The following PTH2R variants were observed in gnomAD, a reference collection of about 807,000 sequenced individuals.
PTH2R encodes PTH2 receptor.
In PTH2R, 59 loss-of-function variants were observed where a neutral mutation model predicts 60.3. The ratio of observed to expected loss-of-function variants is 0.98; its 90% confidence interval spans 0.79 to 1.22. The LOEUF is 1.22. Ranked by LOEUF, PTH2R falls within the 50% of genes most tolerant of loss-of-function variation. The pLI, the probability that PTH2R is intolerant of heterozygous loss-of-function variation, is 0.00. For synonymous variants in PTH2R, 256 were observed against 243.8 expected (o/e 1.05, Z -0.47); for missense variants, 749 against 682.6 (o/e 1.10, Z -1.08).
At chr2:208,378,939 A>G (rs1306170673) in intron 1 of PTH2R, among the ~76,000 whole-genome samples, 2 of 152,160 alleles carry the variant, frequency 1.3e-5, no homozygotes, top group Non-Finnish European at 2.9e-5. Context: ...TGTGAAGATT[A>G]GAGAAAGTGC....
rs767969755 is a variant in PTH2R, at chr2:208,493,382, C to T, written c.1376C>T (p.Thr459Ile). The T allele has an allele frequency of 6.8e-6, 11 of 1,609,562 alleles. No individual in the cohort carries two copies. Among genetic ancestry groups the T allele is most frequent in the African/African-American group, 1.3e-5 (1 of 74,896 alleles). The change falls in exon 13 of 13, where the codon ACC (threonine) becomes ATC (isoleucine). Residue 459 changes from threonine (T) to isoleucine (I), a missense_variant. Coordinates refer to ENST00000272847, the MANE Select transcript of PTH2R (RefSeq NM_005048.4). ...GSVLTTVTHS[T>I]SSQSQVAAST... is the part of the protein sequence containing the mutation. Reference sequence around the variant, plus strand: ...GTGCTCACCACCGTGACGCACAGCACCAGCAGCCAGTCACAGGTGGCGGCC... The same window carrying T: ...GTGCTCACCACCGTGACGCACAGCATCAGCAGCCAGTCACAGGTGGCGGCC...
chr2:208,459,088 C>G (rs1441813205), intron 8 of PTH2R, among the ~76,000 whole-genome samples: 1 of 152,034 alleles, frequency 6.6e-6, no homozygotes, highest in African/African-American at 2.4e-5. Context: ...ATAAGGGTTC[C>G]CTTTTCTCTC....
At chr2:208,378,078 G>A (rs1700840148) in intron 1 of PTH2R, among the ~76,000 whole-genome samples, 2 of 152,022 alleles carry the variant, frequency 1.3e-5, no homozygotes, top group Non-Finnish European at 2.9e-5. Flanking sequence ...TCCAGCCTGG[G>A]CAACATTGAG....
At chr2:208,454,001 G>T (rs1702460191) in intron 8 of PTH2R, among the ~76,000 whole-genome samples, 1 of 152,110 alleles carries the variant, frequency 6.6e-6, no homozygotes, top group South Asian at 2.1e-4. Context: ...CTGATAGCTT[G>T]TAAGTCGCCC....
intron 4 of PTH2R, among the ~76,000 whole-genome samples, chr2:208,438,187 A>G (rs778799832): frequency 1.4e-4 from 21 of 152,288 alleles, no homozygotes; most frequent in East Asian, 5.8e-4. Context: ...AAAAATCCCA[A>G]TAGGTGGTTA....
intron 1 of PTH2R, among the ~76,000 whole-genome samples, chr2:208,420,874 C>T (rs1701740863): frequency 6.6e-6 from 1 of 152,156 alleles, no homozygotes; most frequent in Non-Finnish European, 1.5e-5. Flanking sequence ...GTGATCACCA[C>T]CACAGTGAAG....
intron 1 of PTH2R, among the ~76,000 whole-genome samples, chr2:208,394,821 A>C (rs1701175851): frequency 6.6e-6 from 1 of 152,142 alleles, no homozygotes; most frequent in Non-Finnish European, 1.5e-5. Context: ...TAAGGAATTA[A>C]ATTATTTAAG....
At chr2:208,467,633 G>A (rs1702782768) in intron 9 of PTH2R, among the ~76,000 whole-genome samples, 1 of 152,114 alleles carries the variant, frequency 6.6e-6, no homozygotes. Flanking sequence ...TAGCTTTATT[G>A]GAGGAAAAAC....
At chr2:208,405,743 T>G (rs1349498008), upstream of PTH2R, among the ~76,000 whole-genome samples, 1 of 152,212 alleles carries the variant, frequency 6.6e-6, no homozygotes, top group Non-Finnish European at 1.5e-5. Context: ...GTTCTAGTCC[T>G]TAAGGTGATG....
rs747790135 is a variant in PTH2R, at chr2:208,428,258, A to G, written c.133A>G (p.Lys45Glu). The change falls in exon 2 of 13, where the codon AAA becomes GAA. Residue 45 changes from lysine (K) to glutamate (E), a missense_variant. Physicochemically the swap from Lys to Glu is moderately conservative, Grantham distance 56. Transcript: ENST00000272847. The part of the protein sequence containing the change: ...EEQIVLVLKA[K>E]VQCELNITAQ... Reference sequence around the variant, plus strand: ...GCAGATTGTCCTTGTGCTGAAAGCGAAAGTACAATGTGAACTCAACATCAC... The same window carrying G: ...GCAGATTGTCCTTGTGCTGAAAGCGGAAGTACAATGTGAACTCAACATCAC... 1.2e-6 allele frequency: 2 copies of G among 1,613,730 alleles called. No homozygotes were observed. The highest frequency in any genetic ancestry group is 1.7e-5 in the Admixed American group (1 of 59,974).
intron 1 of PTH2R, among the ~76,000 whole-genome samples, chr2:208,391,970 A>G (rs1701116488): frequency 6.6e-6 from 1 of 152,228 alleles, no homozygotes; most frequent in African/African-American, 2.4e-5. Flanking sequence ...GAACTCAGAG[A>G]GGTCTGGTGA....
At chr2:208,469,154 CTG>C (rs1559229437) in intron 9 of PTH2R, among the ~76,000 whole-genome samples, 1 of 152,180 alleles carries the variant, frequency 6.6e-6, no homozygotes, top group African/African-American at 2.4e-5. Flanking sequence ...ACCTGTCAAA[CTG>C]TGTCTTGAAT....
At position 208,493,245 on chromosome 2, in the gene PTH2R, C is replaced by T; in HGVS notation, c.1258-19C>T. 1 of 1,489,246 alleles carries T rather than the reference C, an allele frequency of 6.7e-7. No homozygotes were observed. 92.3% of individuals were successfully genotyped at this position (1,489,246 alleles called of 1,614,324 possible). On this transcript the variant is annotated intron_variant, in intron 12 of 12. Coordinates refer to ENST00000272847, the MANE Select transcript of PTH2R (RefSeq NM_005048.4). ...CTCCTTTAGGATTTCTCATGCACAG[C>T]ATGTTTCTCGTGGCTTAGGTTCAGG...
chr2:208,404,498 T>C (rs949255889), upstream of PTH2R, among the ~76,000 whole-genome samples: 1 of 152,204 alleles, frequency 6.6e-6, no homozygotes, highest in Non-Finnish European at 1.5e-5. Context: ...TGGAATGTAA[T>C]AGTGTATATG....
chr2:208,420,534 ATTAAC>A (rs146202006), intron 1 of PTH2R, among the ~76,000 whole-genome samples: 8,754 of 152,252 alleles, frequency 0.057, 322 homozygotes, highest in Non-Finnish European at 0.08. Flanking sequence ...TTAATTTATA[ATTAAC>A]TTAAAATTTA....
chr2:208,484,650 G>A (rs539116562), intron 10 of PTH2R, among the ~76,000 whole-genome samples: 8 of 152,272 alleles, frequency 5.3e-5, no homozygotes, highest in African/African-American at 1.9e-4. Context: ...ATACTTGAAT[G>A]TTTTGACTAA....
chr2:208,455,251 T>A lies in PTH2R; in HGVS notation c.914+4442T>A, dbSNP rs138747134. ...TCAGTAAAGAGGTACTAATTAATGC[T>A]ATCATGATCATATTCTGAGATGTGT... On this transcript the variant is annotated intron_variant, in intron 8 of 12. Transcript: ENST00000272847. Among the ~76,000 whole-genome samples, 238 of 152,338 alleles carry A rather than the reference T, an allele frequency of 1.6e-3. 1 individual carries two copies. The highest frequency in any genetic ancestry group is 3.0e-3 in the Non-Finnish European group (201 of 68,020).
At chr2:208,492,986 G>C (rs1317205532) in intron 12 of PTH2R, among the ~76,000 whole-genome samples, 1 of 152,056 alleles carries the variant, frequency 6.6e-6, no homozygotes, top group Non-Finnish European at 1.5e-5. Context: ...CCATATGTCA[G>C]GTATTTCTAT....
At chr2:208,407,687 A>G (rs558952869) in intron 1 of PTH2R, among the ~76,000 whole-genome samples, 1 of 152,292 alleles carries the variant, frequency 6.6e-6, no homozygotes, top group Admixed American at 6.5e-5. Context: ...TATCATTTAG[A>G]GATTTTCTGG....
Sources: gnomAD v4.1 joint callset for allele counts (sites outside exome capture counted in the v4.1 genomes callset) on GRCh38, gnomAD v4.1.1 for gene constraint, MANE v1.5 for transcripts, NCBI Gene and HGNC (gene_info 2026-07-23, HGNC 2026-07-21) for gene names.